The following TPR variants were observed in gnomAD, a reference collection of about 807,000 sequenced individuals.
The protein encoded by TPR is translocated promoter region, nuclear basket protein.
TPR carries 51 observed loss-of-function variants against 316.1 expected under a neutral mutation model. The ratio of observed to expected loss-of-function variants is 0.16; its 90% CI spans 0.13 to 0.20. The LOEUF (loss-of-function observed/expected upper bound fraction) is 0.20, where lower values mean the gene tolerates loss of function less well. TPR is among the 10% of genes least tolerant of loss of function. The probability of loss-of-function intolerance (pLI) is 1.00; values close to 1 mark genes in which losing one functional copy is unlikely to be tolerated. For synonymous variants in TPR, 981 were observed against 914.7 expected (o/e 1.07, Z -1.31); for missense variants, 2,272 against 2,754.8 (o/e 0.82, Z 3.92).
At chr1:186,342,479 A>G (rs1212717473) in intron 27 of TPR, 3 of 152,190 alleles carry the variant, frequency 2.0e-5, no homozygotes, top group African/African-American at 7.2e-5. Flanking sequence ...CTTTTCCTCC[A>G]AGTATTAACT....
intron 39 of TPR, among the ~76,000 whole-genome samples, chr1:186,329,111 C>T (rs1658081364): frequency 1.3e-5 from 2 of 152,248 alleles, no homozygotes; most frequent in South Asian, 4.1e-4. Context: ...AACTGTTACA[C>T]ATTCAGTAGA....
At chr1:186,358,440 A>G in intron 13 of TPR, 103 bp downstream of exon 13, 1 of 809,082 alleles carries the variant, frequency 1.2e-6, no homozygotes. Context: ...ATTAATTAGA[A>G]TTTCATACAT....
chr1:186,311,931 G>GTCAC lies in TPR; in HGVS notation c.*2036_*2039dup. 1.9e-6 allele frequency: 1 copy of GTCAC among 539,240 alleles called. No homozygotes were observed. Among genetic ancestry groups the GTCAC allele is most frequent in the East Asian group, 3.2e-5 (1 of 31,456 alleles). 33.4% of individuals were successfully genotyped at this position (539,240 alleles called of 1,614,324 possible). ...ATATGTGCTGCCAAACTGAGCACTTGTCACTTTCAATTGAAATTAAATATA... is the reference window on the plus strand; with the variant it reads ...ATATGTGCTGCCAAACTGAGCACTTGTCACTCACTTTCAATTGAAATTAAATATA... On this transcript the variant is annotated 3_prime_UTR_variant, in exon 51 of 51. Transcript: ENST00000367478.
chr1:186,334,198 AAC>A, intron 36 of TPR, 125 bp downstream of exon 36: 1 of 995,538 alleles, frequency 1.0e-6, no homozygotes, highest in African/African-American at 1.6e-5. Flanking sequence ...TCAAATATTA[AAC>A]ACCCATTTTT....
intron 14 of TPR, among the ~76,000 whole-genome samples, chr1:186,356,761 T>C (rs529940143): frequency 2.1e-4 from 32 of 152,262 alleles, no homozygotes; most frequent in East Asian, 1.7e-3. Context: ...TATACATGTA[T>C]TTTGAAAAAA....
intron 30 of TPR, among the ~76,000 whole-genome samples, chr1:186,338,632 C>G (rs1010968566): frequency 1.6e-3 from 250 of 152,262 alleles, no homozygotes; most frequent in African/African-American, 5.4e-3. Flanking sequence ...TTATGCTTTG[C>G]AAGCCACAAA....
At chr1:186,361,585 T>C in intron 9 of TPR, 37 bp downstream of exon 9, 1 of 1,549,144 alleles carries the variant, frequency 6.5e-7, no homozygotes, top group Middle Eastern at 1.7e-4. Flanking sequence ...AAGAGTACAA[T>C]AACAAAAATA....
At chr1:186,330,107 T>C (rs375890133) in intron 39 of TPR, among the ~76,000 whole-genome samples, 1 of 152,174 alleles carries the variant, frequency 6.6e-6, no homozygotes, top group Admixed American at 6.6e-5. Context: ...ATTACTATCA[T>C]ACATTGTGAT....
Position 186,327,022 on chromosome 1 carries a change from ATT to A in TPR, c.5889+436_5889+437del, listed in dbSNP as rs1410256412. On this transcript the variant is annotated intron_variant, in intron 40 of 50. Transcript: ENST00000367478. ...AATATATTAAATATATAATATATAT[ATT>A]ATATATATAAATATATATAAATATA... Among the ~76,000 whole-genome samples the A allele has an allele frequency of 5.3e-4, 36 of 68,158 alleles. 1 individual carries two copies. Among genetic ancestry groups the A allele is most frequent in the South Asian group, 2.3e-3 (6 of 2,662 alleles). 44.7% of individuals were successfully genotyped at this position (68,158 alleles called of 152,430 possible).
Position 186,312,627 on chromosome 1 carries a change from G to A in TPR, c.*1344C>T. 1.1e-6 allele frequency: 1 copy of A among 921,164 alleles called. No homozygotes were observed. The highest frequency in any genetic ancestry group is 1.7e-6 in the Non-Finnish European group (1 of 593,722). 57.1% of individuals were successfully genotyped at this position (921,164 alleles called of 1,614,324 possible). On this transcript the variant is annotated 3_prime_UTR_variant, in exon 51 of 51. Coordinates refer to ENST00000367478, the MANE Select transcript of TPR (RefSeq NM_003292.3). ...CTATTTATCAAGTACTTCTTACCAA[G>A]AACATTATATACCAGTCTATAACCC...
chr1:186,358,490 T>C (rs1016136116), intron 13 of TPR, 53 bp downstream of exon 13: 4 of 1,386,030 alleles, frequency 2.9e-6, no homozygotes, highest in Non-Finnish European at 4.1e-6. Flanking sequence ...GATTCAAAGA[T>C]TACTGGGCAG....
At chr1:186,333,465 T>C in intron 36 of TPR, 71 bp from the exon 37 acceptor site, 1 of 1,551,484 alleles carries the variant, frequency 6.4e-7, no homozygotes, top group Non-Finnish European at 8.7e-7. Context: ...CTTCCTATTC[T>C]GTGGTACATG....
At chr1:186,320,002 T>A (rs1657731075) in intron 46 of TPR, among the ~76,000 whole-genome samples, 1 of 152,202 alleles carries the variant, frequency 6.6e-6, no homozygotes, top group African/African-American at 2.4e-5. Context: ...TGGCTAGTAG[T>A]ACCTATATTT....
At chr1:186,338,709 T>C (rs901199012) in intron 30 of TPR, among the ~76,000 whole-genome samples, 3 of 152,206 alleles carry the variant, frequency 2.0e-5, no homozygotes, top group Non-Finnish European at 4.4e-5. Context: ...TTATAGGCTG[T>C]ACAAAACCAA....
At chr1:186,361,563 T>TA (rs531421366) in intron 9 of TPR, 59 bp downstream of exon 9, 27,591 of 1,217,450 alleles carry the variant, frequency 0.023, 3 homozygotes, top group Non-Finnish European at 0.026. Flanking sequence ...AAAACAAGGG[T>TA]AAAAAAAAAA....
intron 2 of TPR, 88 bp downstream of exon 2, chr1:186,373,271 A>G (rs1659587694): frequency 2.5e-6 from 2 of 789,956 alleles, no homozygotes; most frequent in African/African-American, 1.7e-5. Context: ...TTTCATGTTT[A>G]GTAAGCAAAT....
chr1:186,340,388 T>C (rs1658476061), intron 29 of TPR, among the ~76,000 whole-genome samples: 1 of 152,174 alleles, frequency 6.6e-6, no homozygotes, highest in Non-Finnish European at 1.5e-5. Flanking sequence ...TGAACAAGTC[T>C]TTTTAAAGTG....
At chr1:186,373,910 T>C (rs1659608361) in intron 1 of TPR, among the ~76,000 whole-genome samples, 1 of 152,200 alleles carries the variant, frequency 6.6e-6, no homozygotes, top group Admixed American at 6.5e-5. Context: ...TAAAAGTAAA[T>C]GTGTAAACTT....
chr1:186,363,477 A>T, intron 4 of TPR, 32 bp from the exon 5 acceptor site: 6 of 1,390,904 alleles, frequency 4.3e-6, no homozygotes, highest in Non-Finnish European at 6.1e-6. Context: ...AAAAATAATA[A>T]CTAATTAACA....
Sources: allele counts gnomAD v4.1 joint callset (sites outside exome capture counted in the v4.1 genomes callset), GRCh38; gene constraint gnomAD v4.1.1; transcripts MANE v1.5; gene names NCBI Gene and HGNC (gene_info 2026-07-23, HGNC 2026-07-21).